Variants in ARL14EP observed in about 807,000 individuals in gnomAD.
The protein encoded by ARL14EP is ARL14 effector protein.
Under a neutral mutation model 23.1 loss-of-function variants are expected in ARL14EP, and 12 were observed. The ratio of observed to expected loss-of-function variants is 0.52; its 90% confidence interval spans 0.33 to 0.84. The LOEUF is 0.84. Ranked by LOEUF, ARL14EP falls within the 40% of genes least tolerant of loss-of-function variation. The pLI is 0.02. For missense variants in ARL14EP, 253 were observed against 307.3 expected (o/e 0.82, Z 1.32); for synonymous variants, 97 against 102.0 (o/e 0.95, Z 0.29).
intron 1 of ARL14EP, among the ~76,000 whole-genome samples, chr11:30,325,873 A>G (rs901852967): frequency 6.6e-6 from 1 of 152,212 alleles, no homozygotes; most frequent in Non-Finnish European, 1.5e-5. Context: ...TTACAAGAAT[A>G]CAGACAATTA....
intron 3 of ARL14EP, among the ~76,000 whole-genome samples, chr11:30,334,967 T>C (rs1196579594): frequency 6.6e-6 from 1 of 152,222 alleles, no homozygotes; most frequent in Non-Finnish European, 1.5e-5. Context: ...TTCAAGTCTG[T>C]TATTTAAGAA....
In ARL14EP at chr11:30,331,171, T is replaced by C; in HGVS notation, c.223T>C (p.Cys75Arg). 6.2e-7 allele frequency: 1 copy of C among 1,613,946 alleles called. No homozygotes were observed. Among genetic ancestry groups the C allele is most frequent in the Non-Finnish European group, 8.5e-7 (1 of 1,179,836 alleles). The change falls in exon 2 of 4, where the codon TGT (cysteine) becomes CGT (arginine). Residue 75 changes from cysteine to arginine, a missense_variant. By Grantham distance (180) the Cys-to-Arg change is radical (BLOSUM62 -3). Coordinates refer to ENST00000282032, the MANE Select transcript of ARL14EP (RefSeq NM_152316.3). ...IDRFEDLQKS[C>R]CDPFNIHKKL... is the part of the protein sequence containing the mutation. The stretch of plus-strand genomic sequence containing the variant: ...CAGATTTGAGGATTTACAGAAGTCA[T>C]GTTGTGACCCATTTAACATACACAA...
chr11:30,336,747 A>G lies in ARL14EP; in HGVS notation c.735A>G (p.Gln245=), dbSNP rs766626624. The G allele has an allele frequency of 1.9e-5, 30 of 1,614,062 alleles. No homozygotes were observed. The highest frequency in any genetic ancestry group is 2.5e-5 in the Non-Finnish European group (30 of 1,180,036). Residue 245 remains glutamine (Q), a synonymous_variant, in exon 4 of 4, where the codon CAA becomes CAG. Transcript: ENST00000282032. ...CRCDRKWLYE[Q]IEIEGGEIIH... is the part of the protein sequence containing the mutation. The stretch of plus-strand genomic sequence containing the variant: ...GTGACCGCAAGTGGCTGTATGAGCA[A>G]ATTGAAATTGAAGGAGGAGAAATAA...
At chr11:30,336,358 C>G (rs1439288979) in intron 3 of ARL14EP, among the ~76,000 whole-genome samples, 2 of 129,790 alleles carry the variant, frequency 1.5e-5, no homozygotes, top group Non-Finnish European at 3.2e-5. Context: ...AGATTTGTCT[C>G]AACACTCTAT....
At position 30,336,837 on chromosome 11, in the gene ARL14EP, C is replaced by CTTTTTAAATGTATCTTTATTTCTTCT. The variant is rs1449980090; in HGVS notation, c.*43_*44insTTTTAAATGTATCTTTATTTCTTCTT. The CTTTTTAAATGTATCTTTATTTCTTCT allele has an allele frequency of 3.0e-5, 46 of 1,526,942 alleles. No homozygotes were observed. Among genetic ancestry groups the CTTTTTAAATGTATCTTTATTTCTTCT allele is most frequent in the Non-Finnish European group, 4.0e-5 (44 of 1,102,598 alleles). 94.6% of individuals were successfully genotyped at this position (1,526,942 alleles called of 1,614,324 possible). A position where few individuals can be genotyped will look rare whatever the true frequency, so the allele number is the denominator to read the frequency against. On this transcript the variant is annotated 3_prime_UTR_variant, in exon 4 of 4. Transcript: ENST00000282032. The stretch of plus-strand genomic sequence containing the variant: ...ATGGAGCCTTTAAAGGTCTTTATTT[C>CTTTTTAAATGTATCTTTATTTCTTCT]TAAAAATCTGTTACTCTAAGATACA...
At chr11:30,329,267 A>G (rs1947264312) in intron 1 of ARL14EP, 1 of 152,078 alleles carries the variant, frequency 6.6e-6, no homozygotes, top group South Asian at 2.1e-4. Context: ...AGATTTATTC[A>G]TGTTGATTCA....
chr11:30,331,355 A>G lies in ARL14EP; in HGVS notation c.407A>G (p.Lys136Arg), dbSNP rs770520148. ...SVDVDTEDRQ[K>R]RKPESDGRTA... Reference sequence around the variant, plus strand: ...GATGTTGATACTGAAGACCGCCAGAAAAGGAAACCTGAGTCAGATGTATGT... The same window carrying G: ...GATGTTGATACTGAAGACCGCCAGAGAAGGAAACCTGAGTCAGATGTATGT... The change falls in exon 2 of 4, where the codon AAA becomes AGA. Residue 136 changes from lysine to arginine, a missense_variant. Physicochemically the swap from Lys to Arg is conservative, Grantham distance 26. Transcript: ENST00000282032. The G allele has an allele frequency of 1.2e-6, 2 of 1,613,854 alleles. No homozygotes were observed. The highest frequency in any genetic ancestry group is 1.1e-5 in the South Asian group (1 of 91,088).
chr11:30,331,920 T>TA, intron 2 of ARL14EP: 1 of 542,014 alleles, frequency 1.8e-6, no homozygotes, highest in Middle Eastern at 9.6e-4. Context: ...TCCTACTTGA[T>TA]ATGGTCAAGG....
chr11:30,331,727 G>T, intron 2 of ARL14EP: 1 of 1,068,460 alleles, frequency 9.4e-7, no homozygotes, highest in Non-Finnish European at 1.1e-6. Context: ...ACCACCAAGG[G>T]TCTTTGCAGC....
In ARL14EP at chr11:30,337,893, T is replaced by C. The variant is rs921423345; in HGVS notation, c.*1098T>C. The C allele has an allele frequency of 6.6e-6, 1 of 152,252 alleles. No individual in the cohort carries two copies. The highest frequency in any genetic ancestry group is 2.4e-5 in the African/African-American group (1 of 41,468). 9.4% of individuals were successfully genotyped at this position (152,252 alleles called of 1,614,324 possible). On this transcript the variant is annotated 3_prime_UTR_variant, in exon 4 of 4. Transcript: ENST00000282032. Reference sequence around the variant, plus strand: ...ATTTCTAATGTTTTAAATTACAGTGTACTAAATATTTTTAAACATTTTTGC... The same window carrying C: ...ATTTCTAATGTTTTAAATTACAGTGCACTAAATATTTTTAAACATTTTTGC...
At chr11:30,332,128 T>C (rs1947290028) in intron 2 of ARL14EP, among the ~76,000 whole-genome samples, 1 of 152,122 alleles carries the variant, frequency 6.6e-6, no homozygotes, top group East Asian at 1.9e-4. Context: ...TTACTTGTAA[T>C]TATTTCATAA....
chr11:30,331,428 T>A, intron 2 of ARL14EP, 54 bp downstream of exon 2: 1 of 1,610,504 alleles, frequency 6.2e-7, no homozygotes, highest in Non-Finnish European at 8.5e-7. Flanking sequence ...TGTAGGATTT[T>A]GCTTAACTAT....
chr11:30,334,405 C>T (rs978251588), intron 3 of ARL14EP, among the ~76,000 whole-genome samples: 12 of 151,636 alleles, frequency 7.9e-5, no homozygotes, highest in East Asian at 2.0e-4. Context: ...TTAGTAGAGA[C>T]GGGTTTCACC....
chr11:30,335,452 A>G (rs1947323605), intron 3 of ARL14EP, among the ~76,000 whole-genome samples: 3 of 152,174 alleles, frequency 2.0e-5, no homozygotes, highest in Non-Finnish European at 4.4e-5. Flanking sequence ...ATCACATGCT[A>G]CAGAGAAATC....
At chr11:30,329,464 G>A (rs1043906488) in intron 1 of ARL14EP, 2 of 152,150 alleles carry the variant, frequency 1.3e-5, no homozygotes, top group Admixed American at 1.3e-4. Context: ...ACCCAGAACT[G>A]AAAAGAGCTG....
Position 30,328,681 on chromosome 11 carries a change from A to G in ARL14EP, c.-63-2205A>G, listed in dbSNP as rs566049065. 2.6e-5 allele frequency: 4 copies of G among 152,086 alleles called. No individual in the cohort carries two copies. In the South Asian group the frequency reaches 6.2e-4, roughly 24 times the overall value. The allele number at this position is 152,086 out of a possible 1,614,324, so 9.4% of individuals were successfully genotyped here. A position where few individuals can be genotyped will look rare whatever the true frequency, so the allele number is the denominator to read the frequency against. On this transcript the variant is annotated intron_variant, in intron 1 of 3. Transcript: ENST00000282032. ...CCTAAAACACAGACATTTATTCGCC[A>G]TTTTTTGTTACCTGAGGCCAGAGTC...
intron 3 of ARL14EP, 61 bp downstream of exon 3, chr11:30,333,054 ATTT>A: frequency 6.3e-7 from 1 of 1,594,050 alleles, no homozygotes; most frequent in Non-Finnish European, 8.6e-7. Context: ...TTGTTCCCCT[ATTT>A]TTCTCTTAAA....
chr11:30,331,375 G>GT lies in ARL14EP; in HGVS notation c.426+2dup, dbSNP rs760750381. On this transcript the variant is annotated splice_donor_variant, in intron 2 of 3. Coordinates refer to ENST00000282032, the MANE Select transcript of ARL14EP (RefSeq NM_152316.3). LOFTEE classifies it high-confidence loss of function. ...CCAGAAAAGGAAACCTGAGTCAGAT[G>GT]TATGTGTAATAGTCATTTTTTTCTA... 2.7e-5 allele frequency: 44 copies of GT among 1,613,864 alleles called. No individual in the cohort carries two copies. Among genetic ancestry groups the GT allele is most frequent in the Admixed American group, 1.8e-4 (11 of 60,020 alleles).
chr11:30,326,865 G>C (rs1427671809), intron 1 of ARL14EP, among the ~76,000 whole-genome samples: 1 of 152,110 alleles, frequency 6.6e-6, no homozygotes, highest in East Asian at 1.9e-4. Context: ...AGTGGGATTA[G>C]TTTGCCGCTG....
Sources: gnomAD v4.1 joint callset for allele counts (sites outside exome capture counted in the v4.1 genomes callset) on GRCh38, gnomAD v4.1.1 for gene constraint, MANE v1.5 for transcripts, NCBI Gene and HGNC (gene_info 2026-07-23, HGNC 2026-07-21) for gene names.